The following CSMD1 variants were observed in gnomAD, a reference collection of about 807,000 sequenced individuals.
The protein encoded by CSMD1 is CUB and Sushi multiple domains 1.
A neutral mutation model predicts 417.5 loss-of-function variants in CSMD1; 213 were observed. The ratio of observed to expected loss-of-function variants is 0.51; its 90% confidence interval spans 0.46 to 0.57. The LOEUF (loss-of-function observed/expected upper bound fraction) is 0.57. CSMD1 is among the 20% of genes least tolerant of loss of function. The pLI is 0.00. For missense variants in CSMD1, 6,923 were observed against 4,529.7 expected, an observed-to-expected ratio of 1.53 and a Z score of -15.17; for synonymous variants, 2,862 against 1,736.8, an observed-to-expected ratio of 1.65 and a Z score of -16.11.
chr8:3,774,751 A>C lies in CSMD1; in HGVS notation c.819-20709T>G, dbSNP rs187151260. Among the ~76,000 whole-genome samples the C allele has an allele frequency of 2.8e-3, 420 of 152,276 alleles. 1 individual carries two copies. Among genetic ancestry groups the C allele is most frequent in the Middle Eastern group, 0.014 (4 of 294 alleles). ...AATTTTGGTGAAAGGATTTCTATTT[A>C]CTATTCTAATGAGTACAATATGGAT... On this transcript the variant is annotated intron_variant, in intron 5 of 69. Coordinates refer to ENST00000635120, the MANE Select transcript of CSMD1 (RefSeq NM_033225.6).
At chr8:3,094,199 G>A (rs931992698) in intron 47 of CSMD1, among the ~76,000 whole-genome samples, 6 of 151,826 alleles carry the variant, frequency 4.0e-5, no homozygotes, top group African/African-American at 1.5e-4. Context: ...TTTGCCTCCT[G>A]GGCTCAAATG....
chr8:4,187,023 C>A (rs1239730944), intron 3 of CSMD1, among the ~76,000 whole-genome samples: 2 of 152,032 alleles, frequency 1.3e-5, no homozygotes, highest in Non-Finnish European at 2.9e-5. Context: ...TGTTCTTCTT[C>A]CTTTATAGAA....
intron 2 of CSMD1, among the ~76,000 whole-genome samples, chr8:4,494,543 G>A (rs1426039713): frequency 6.6e-6 from 1 of 152,010 alleles, no homozygotes; most frequent in African/African-American, 2.4e-5. Flanking sequence ...AAACATTATT[G>A]GAGATTTATC....
chr8:4,058,924 G>A (rs564996256), intron 3 of CSMD1, among the ~76,000 whole-genome samples: 3 of 152,016 alleles, frequency 2.0e-5, no homozygotes, highest in Non-Finnish European at 4.4e-5. Flanking sequence ...ATTGAACTCA[G>A]CTCTGCACCA....
chr8:4,605,816 C>T (rs1349530989), intron 2 of CSMD1, among the ~76,000 whole-genome samples: 1 of 152,142 alleles, frequency 6.6e-6, no homozygotes, highest in Non-Finnish European at 1.5e-5. Flanking sequence ...GCAGGTGAAA[C>T]TTGATGGTGG....
intron 1 of CSMD1, among the ~76,000 whole-genome samples, chr8:4,783,436 C>A (rs543067239): frequency 6.6e-6 from 1 of 152,208 alleles, no homozygotes; most frequent in Non-Finnish European, 1.5e-5. Flanking sequence ...AGTGCTTTGG[C>A]TTTGGTAATC....
chr8:3,052,421 C>A, intron 50 of CSMD1, 41 bp downstream of exon 50: 7 of 1,516,840 alleles, frequency 4.6e-6, no homozygotes, highest in Non-Finnish European at 6.2e-6. Context: ...TCAGTTCCCA[C>A]CTAAACCCAC....
rs144103323 is a variant in CSMD1, at chr8:3,585,909, A to C, written c.1222+227T>G. 9.0e-3 allele frequency among the ~76,000 whole-genome samples: 1,364 copies of C among 152,260 alleles called. 26 individuals carry two copies. Among genetic ancestry groups the C allele is most frequent in the African/African-American group, 0.03 (1,247 of 41,556 alleles). ...ATACTCAGTATGTGTGGATTTGCTC[A>C]CATCTATCCTCAAATGTAAAACACA... On this transcript the variant is annotated intron_variant, in intron 9 of 69. Transcript: ENST00000635120.
chr8:4,906,138 C>G (rs910582026), intron 1 of CSMD1, among the ~76,000 whole-genome samples: 1 of 152,144 alleles, frequency 6.6e-6, no homozygotes, highest in African/African-American at 2.4e-5. Flanking sequence ...TAGATGCTAC[C>G]TGCACTCTTC....
At chr8:3,001,477 A>G in intron 52 of CSMD1, among the ~76,000 whole-genome samples, 1 of 152,224 alleles carries the variant, frequency 6.6e-6, no homozygotes, top group South Asian at 2.1e-4. Flanking sequence ...CCTGTGTTAC[A>G]CATGGGTTTT....
chr8:3,191,293 T>C (rs1796409019), intron 33 of CSMD1, among the ~76,000 whole-genome samples: 1 of 151,948 alleles, frequency 6.6e-6, no homozygotes, highest in Non-Finnish European at 1.5e-5. Flanking sequence ...CCGTCTCTAC[T>C]AAAAATACAA....
intron 12 of CSMD1, among the ~76,000 whole-genome samples, chr8:3,435,904 T>C (rs998972747): frequency 5.9e-5 from 9 of 152,200 alleles, no homozygotes; most frequent in African/African-American, 2.2e-4. Context: ...CTTGGATGAG[T>C]CTTCCCCTAT....
chr8:4,834,364 G>A (rs945479796), intron 1 of CSMD1, among the ~76,000 whole-genome samples: 1 of 152,166 alleles, frequency 6.6e-6, no homozygotes, highest in African/African-American at 2.4e-5. Flanking sequence ...TCTGTAGGAA[G>A]ATATACGTTA....
At chr8:4,756,201 T>C (rs893819853) in intron 1 of CSMD1, among the ~76,000 whole-genome samples, 8 of 152,206 alleles carry the variant, frequency 5.3e-5, no homozygotes, top group African/African-American at 1.9e-4. Flanking sequence ...TTGATCTATT[T>C]AACATCTAGC....
chr8:3,591,806 T>G (rs901722990), intron 8 of CSMD1, among the ~76,000 whole-genome samples: 1 of 146,862 alleles, frequency 6.8e-6, no homozygotes, highest in African/African-American at 2.5e-5. Context: ...GATGGAAAGA[T>G]GGATAGACAG....
chr8:4,991,278 G>C (rs1811450122), intron 1 of CSMD1, among the ~76,000 whole-genome samples: 1 of 152,114 alleles, frequency 6.6e-6, no homozygotes. Context: ...CATTTAAAGA[G>C]AAAGGCACAC....
At chr8:4,057,449 G>A (rs973640056) in intron 3 of CSMD1, among the ~76,000 whole-genome samples, 2 of 152,260 alleles carry the variant, frequency 1.3e-5, no homozygotes, top group African/African-American at 4.8e-5. Flanking sequence ...TGTCAGATGA[G>A]TAGGTTGTGA....
intron 49 of CSMD1, among the ~76,000 whole-genome samples, chr8:3,082,914 G>T (rs766541576): frequency 4.6e-5 from 7 of 152,088 alleles, no homozygotes; most frequent in Non-Finnish European, 1.0e-4. Context: ...GCTTTATATC[G>T]AATGTGAACA....
chr8:3,620,668 A>C (rs1802379738), intron 7 of CSMD1, among the ~76,000 whole-genome samples: 1 of 152,158 alleles, frequency 6.6e-6, no homozygotes, highest in South Asian at 2.1e-4. Flanking sequence ...AATATGTAAA[A>C]AAGAAAAGAG....
Sources: gnomAD v4.1 joint callset for allele counts (sites outside exome capture counted in the v4.1 genomes callset) on GRCh38, gnomAD v4.1.1 for gene constraint, MANE v1.5 for transcripts, NCBI Gene and HGNC (gene_info 2026-07-23, HGNC 2026-07-21) for gene names.